Variants in PFKP observed in about 807,000 individuals in gnomAD.
The protein encoded by PFKP is ATP-dependent 6-phosphofructokinase, platelet type.
A neutral mutation model predicts 94.3 loss-of-function variants in PFKP; 101 were observed. The observed-to-expected ratio is 1.07, with a 90% CI of 0.91 to 1.26. The LOEUF (loss-of-function observed/expected upper bound fraction) is 1.26. Among genes scored for constraint, PFKP ranks in the 50% most tolerant of loss-of-function variants. The pLI is 0.00. For synonymous variants in PFKP, 573 were observed against 432.6 expected, an observed-to-expected ratio of 1.32 and a Z score of -4.03; for missense variants, 1,145 against 1,103.3, an observed-to-expected ratio of 1.04 and a Z score of -0.53.
At chr10:3,108,004 G>T (rs1835805347) in intron 8 of PFKP, 1 of 1,289,570 alleles carries the variant, frequency 7.8e-7, no homozygotes, top group African/African-American at 1.5e-5. Context: ...CTTTGTTATG[G>T]TCAGTTAAGG....
intron 8 of PFKP, among the ~76,000 whole-genome samples, chr10:3,108,188 C>G (rs185394041): frequency 3.3e-4 from 51 of 152,320 alleles, no homozygotes; most frequent in African/African-American, 1.0e-3. Context: ...CGTAGCCCAG[C>G]CCCACTGTCC....
Position 3,099,277 on chromosome 10 carries a change from C to T in PFKP, c.189C>T (p.Gly63=). The T allele has an allele frequency of 6.2e-7, 1 of 1,611,606 alleles. No individual in the cohort carries two copies. The highest frequency in any genetic ancestry group is 8.5e-7 in the Non-Finnish European group (1 of 1,177,648). The change falls in exon 3 of 22, where the codon GGC becomes GGT. Residue 63 remains glycine (G), a splice_region_variant and synonymous_variant. Transcript: ENST00000381125. ...AAGATTCTCCCTTTCTCCCCTAGGG[C>T]TACCAGGGCATGGTGGACGGAGGCT... ...VGAKVYFIYE[G]YQGMVDGGSN... is the part of the protein sequence containing the mutation.
intron 4 of PFKP, among the ~76,000 whole-genome samples, chr10:3,102,269 A>AAAAAAAAAG: frequency 6.8e-6 from 1 of 148,148 alleles, no homozygotes; most frequent in African/African-American, 2.5e-5. Context: ...AAAAAAAAAA[A>AAAAAAAAAG]AAAACTGAAG....
intron 2 of PFKP, among the ~76,000 whole-genome samples, chr10:3,088,864 G>T (rs541769227): frequency 6.7e-6 from 1 of 150,166 alleles, no homozygotes; most frequent in Admixed American, 6.7e-5. Flanking sequence ...TCGTCTCTAT[G>T]AGATCAACTC....
intron 8 of PFKP, 95 bp downstream of exon 8, chr10:3,107,404 T>C: frequency 1.4e-6 from 1 of 723,926 alleles, no homozygotes; most frequent in Non-Finnish European, 2.4e-6. Flanking sequence ...CATTGAATTA[T>C]TAACTTTTTA....
intron 2 of PFKP, among the ~76,000 whole-genome samples, chr10:3,089,645 T>C (rs779661640): frequency 2.3e-4 from 34 of 150,036 alleles, no homozygotes; most frequent in Non-Finnish European, 3.8e-4. Context: ...ATTTTGAATA[T>C]ATATTATGTA....
intron 2 of PFKP, among the ~76,000 whole-genome samples, chr10:3,089,933 C>T (rs181024721): frequency 5.3e-5 from 8 of 152,102 alleles, no homozygotes; most frequent in Admixed American, 2.0e-4. Context: ...GAGATCAATC[C>T]TAACTCTGTC....
intron 1 of PFKP, among the ~76,000 whole-genome samples, chr10:3,075,555 T>C (rs893128248): frequency 6.9e-6 from 1 of 145,486 alleles, no homozygotes; most frequent in African/African-American, 2.6e-5. Flanking sequence ...GTGTTATATA[T>C]GCAATTTTAA....
intron 9 of PFKP, 119 bp from the exon 10 acceptor site, chr10:3,109,236 G>C: frequency 2.2e-6 from 3 of 1,336,134 alleles, no homozygotes; most frequent in Non-Finnish European, 3.2e-6. Flanking sequence ...AGTTGGGCTG[G>C]AAGCGGGAGG....
chr10:3,122,432 G>A (rs1837522399), intron 16 of PFKP, among the ~76,000 whole-genome samples: 1 of 152,230 alleles, frequency 6.6e-6, no homozygotes, highest in Admixed American at 6.5e-5. Flanking sequence ...TGTGAACATG[G>A]CAGCTGTTTT....
At chr10:3,087,384 G>C (rs1414268800) in intron 2 of PFKP, among the ~76,000 whole-genome samples, 1 of 152,148 alleles carries the variant, frequency 6.6e-6, no homozygotes, top group Non-Finnish European at 1.5e-5. Context: ...ACGAGGTCTG[G>C]ACAACCTTGT....
intron 1 of PFKP, among the ~76,000 whole-genome samples, chr10:3,076,104 AT>A (rs1832570222): frequency 6.6e-6 from 1 of 152,078 alleles, no homozygotes; most frequent in South Asian, 2.1e-4. Flanking sequence ...ATAACAATCA[AT>A]TATTGTAGAT....
chr10:3,119,105 G>A (rs541152679), intron 15 of PFKP, among the ~76,000 whole-genome samples: 10 of 146,050 alleles, frequency 6.8e-5, no homozygotes, highest in Admixed American at 1.4e-4. Context: ...TCCTTAACCC[G>A]GGCCTCATCT....
At chr10:3,084,693 C>CAGTCCTCCAGCCCCTCCCCAGGAG (rs748451173) in intron 2 of PFKP, among the ~76,000 whole-genome samples, 2,245 of 95,198 alleles carry the variant, frequency 0.024, 34 homozygotes, top group East Asian at 0.048. Context: ...GTCTCCAGCA[C>CAGTCCTCCAGCCCCTCCCCAGGAG]AGTCCTCCAG....
Position 3,067,617 on chromosome 10 carries a change from G to A in PFKP, c.22G>A (p.Ala8Thr), listed in dbSNP as rs984216789. The change falls in exon 1 of 22, where the codon GCC becomes ACC. Residue 8 changes from alanine to threonine, a missense_variant. Around this residue, in one of 3 missense-constraint regions of PFKP, gnomAD observed 1,119 missense variants for 1,062.8 expected, o/e 1.05. Coordinates refer to ENST00000381125, the MANE Select transcript of PFKP (RefSeq NM_002627.5). ...CGCCATGGACGCGGACGACTCCCGG[G>A]CCCCCAAGGGCTCCTTGCGGAAGTT... MDADDSR[A>T]PKGSLRKFLE... The A allele has an allele frequency of 6.5e-7, 1 of 1,529,718 alleles. No homozygotes were observed. Among genetic ancestry groups the A allele is most frequent in the Non-Finnish European group, 8.8e-7 (1 of 1,137,572 alleles). 94.8% of individuals were successfully genotyped at this position (1,529,718 alleles called of 1,614,324 possible).
intron 16 of PFKP, among the ~76,000 whole-genome samples, chr10:3,128,624 C>T (rs1222043133): frequency 6.6e-6 from 1 of 152,272 alleles, no homozygotes; most frequent in East Asian, 1.9e-4. Flanking sequence ...CCTTGTACGC[C>T]TTGTTCCCTG....
At chr10:3,121,633 A>G (rs1837418122) in intron 16 of PFKP, among the ~76,000 whole-genome samples, 1 of 148,562 alleles carries the variant, frequency 6.7e-6, no homozygotes, top group Admixed American at 6.8e-5. Context: ...GCATAGGGTC[A>G]AATTTATGAA....
chr10:3,088,078 GTTGGTTT>G (rs2131460253), intron 2 of PFKP, among the ~76,000 whole-genome samples: 1 of 138,578 alleles, frequency 7.2e-6, no homozygotes, highest in East Asian at 2.1e-4. Flanking sequence ...CATGTGCCAT[GTTGGTTT>G]GCTGCACCCA....
At chr10:3,125,499 T>C (rs112114877) in intron 16 of PFKP, among the ~76,000 whole-genome samples, 76 of 152,170 alleles carry the variant, frequency 5.0e-4, no homozygotes, top group Non-Finnish European at 8.7e-4. Context: ...CCACCTAGAC[T>C]AGGGGAGCCG....
Sources: allele counts gnomAD v4.1 joint callset (sites outside exome capture counted in the v4.1 genomes callset), GRCh38; gene constraint gnomAD v4.1.1; regional missense constraint gnomAD v4.1.1; transcripts MANE v1.5; gene names NCBI Gene and HGNC (gene_info 2026-07-23, HGNC 2026-07-21).